Variants in ASCC3 observed in about 807,000 individuals in gnomAD.
ASCC3 encodes the protein ASC-1 complex subunit P200.
Under a neutral mutation model 256.3 loss-of-function variants are expected in ASCC3, and 158 were observed. That is an observed-to-expected ratio of 0.62 (90% CI 0.54 to 0.70). The LOEUF (loss-of-function observed/expected upper bound fraction) is 0.70, where lower values mean the gene tolerates loss of function less well. Among genes scored for constraint, ASCC3 ranks in the 30% least tolerant of loss-of-function variants. The pLI, the probability that ASCC3 is intolerant of heterozygous loss-of-function variation, is 0.00. For missense variants in ASCC3, 2,259 were observed against 2,626.0 expected, an observed-to-expected ratio of 0.86 and a Z score of 3.05; for synonymous variants, 948 against 883.4, an observed-to-expected ratio of 1.07 and a Z score of -1.30.
chr6:100,872,172 C>T (rs973842947), intron 1 of ASCC3, among the ~76,000 whole-genome samples: 11 of 152,162 alleles, frequency 7.2e-5, no homozygotes, highest in African/African-American at 9.7e-5. Flanking sequence ...TGTATTAATA[C>T]TGTGCCTCTG....
chr6:100,829,463 G>A (rs982750413), intron 4 of ASCC3, among the ~76,000 whole-genome samples: 1 of 152,118 alleles, frequency 6.6e-6, no homozygotes, highest in Non-Finnish European at 1.5e-5. Context: ...GGGCTGGCGG[G>A]GCTCGCCAGC....
intron 25 of ASCC3, among the ~76,000 whole-genome samples, chr6:100,632,074 A>T (rs1289539420): frequency 2.0e-5 from 3 of 151,676 alleles, no homozygotes; most frequent in Non-Finnish European, 2.9e-5. Flanking sequence ...GAAAACTCTA[A>T]ATACTACATA....
intron 10 of ASCC3, among the ~76,000 whole-genome samples, chr6:100,726,489 T>C (rs1421331178): frequency 1.3e-5 from 2 of 152,010 alleles, no homozygotes; most frequent in Non-Finnish European, 1.5e-5. Context: ...AAAGCATCCC[T>C]AATTTGAAAA....
chr6:100,550,554 G>C (rs929001565), intron 36 of ASCC3, among the ~76,000 whole-genome samples: 3 of 151,982 alleles, frequency 2.0e-5, no homozygotes, highest in African/African-American at 7.2e-5. Context: ...CAATGGTAGA[G>C]GAAAACTTAG....
intron 36 of ASCC3, among the ~76,000 whole-genome samples, chr6:100,571,900 A>G (rs969657862): frequency 6.6e-6 from 1 of 152,186 alleles, no homozygotes; most frequent in Non-Finnish European, 1.5e-5. Context: ...TAGAGTTATC[A>G]CCCACAGGCA....
At chr6:100,792,126 C>G (rs1318627519) in intron 8 of ASCC3, among the ~76,000 whole-genome samples, 2 of 151,832 alleles carry the variant, frequency 1.3e-5, no homozygotes, top group Non-Finnish European at 2.9e-5. Context: ...AAAACTAAAT[C>G]TCAACAAGTA....
In ASCC3 at chr6:100,513,326, T is replaced by C. The variant is rs992736748; in HGVS notation, c.6076-408A>G. Among the ~76,000 whole-genome samples the C allele has an allele frequency of 3.3e-5, 5 of 152,202 alleles. No homozygotes were observed. In the South Asian group the frequency reaches 1.0e-3, roughly 31 times the overall value. On this transcript the variant is annotated intron_variant, in intron 39 of 41. Transcript: ENST00000369162. ...TGATTCCTTTATTGTAAATCCTTCC[T>C]GATACTGAGCAGCTGTTGACTATAT...
intron 13 of ASCC3, among the ~76,000 whole-genome samples, chr6:100,697,733 T>C (rs1165156621): frequency 2.0e-5 from 3 of 151,982 alleles, no homozygotes; most frequent in Non-Finnish European, 2.9e-5. Context: ...AATATGACAA[T>C]TGGAACTGAG....
intron 19 of ASCC3, 102 bp from the exon 20 acceptor site, chr6:100,650,816 C>T: frequency 1.1e-6 from 1 of 937,260 alleles, no homozygotes; most frequent in African/African-American, 1.7e-5. Flanking sequence ...TTTCCATTTA[C>T]TATAATGCAG....
chr6:100,640,050 G>A (rs1042030321), intron 24 of ASCC3, among the ~76,000 whole-genome samples: 1 of 152,096 alleles, frequency 6.6e-6, no homozygotes, highest in African/African-American at 2.4e-5. Flanking sequence ...GGCGAGTGGT[G>A]GTTGCAGTGA....
At chr6:100,673,880 A>G (rs1170332575) in intron 14 of ASCC3, among the ~76,000 whole-genome samples, 3 of 152,172 alleles carry the variant, frequency 2.0e-5, no homozygotes, top group Non-Finnish European at 4.4e-5. Flanking sequence ...AATAGAGAAC[A>G]TTCTTATTCT....
chr6:100,759,652 T>G (rs1582820947), intron 10 of ASCC3, among the ~76,000 whole-genome samples: 1 of 152,320 alleles, frequency 6.6e-6, no homozygotes, highest in East Asian at 1.9e-4. Flanking sequence ...CTTCTTTGAT[T>G]CCATATGAAA....
intron 37 of ASCC3, among the ~76,000 whole-genome samples, chr6:100,532,087 C>A (rs1774905436): frequency 6.6e-6 from 1 of 150,824 alleles, no homozygotes. Context: ...TTGTGATGAG[C>A]CACGAAATTC....
chr6:100,512,262 A>G (rs1056501909), intron 40 of ASCC3, among the ~76,000 whole-genome samples: 3 of 152,264 alleles, frequency 2.0e-5, no homozygotes, highest in Non-Finnish European at 2.9e-5. Flanking sequence ...ATCTAGCCCA[A>G]TGTGGTTCCT....
At chr6:100,677,078 C>T (rs1777062286) in intron 14 of ASCC3, among the ~76,000 whole-genome samples, 1 of 152,058 alleles carries the variant, frequency 6.6e-6, no homozygotes, top group Non-Finnish European at 1.5e-5. Context: ...AAATGTCTCC[C>T]ACCATGATGA....
chr6:100,818,903 A>G (rs1770901961), intron 4 of ASCC3, among the ~76,000 whole-genome samples: 1 of 152,178 alleles, frequency 6.6e-6, no homozygotes, highest in South Asian at 2.1e-4. Context: ...TATAACTAGC[A>G]ATGAAAAATC....
At chr6:100,600,781 C>T (rs1206198002) in intron 34 of ASCC3, among the ~76,000 whole-genome samples, 1 of 152,110 alleles carries the variant, frequency 6.6e-6, no homozygotes, top group Non-Finnish European at 1.5e-5. Context: ...AGCTTCCTAA[C>T]TGGCCTTCCT....
chr6:100,706,408 A>G (rs1427031669), intron 13 of ASCC3, among the ~76,000 whole-genome samples: 2 of 151,176 alleles, frequency 1.3e-5, no homozygotes, highest in African/African-American at 2.4e-5. Flanking sequence ...CAAGCAGAAG[A>G]CAGAACACTA....
intron 11 of ASCC3, among the ~76,000 whole-genome samples, chr6:100,718,987 A>T (rs566182440): frequency 6.6e-6 from 1 of 152,106 alleles, no homozygotes; most frequent in Non-Finnish European, 1.5e-5. Context: ...AATTTTACTC[A>T]GTCTAGGAGA....
Sources: allele counts gnomAD v4.1 joint callset (sites outside exome capture counted in the v4.1 genomes callset), GRCh38; gene constraint gnomAD v4.1.1; transcripts MANE v1.5; gene names NCBI Gene and HGNC (gene_info 2026-07-23, HGNC 2026-07-21).